The following LUC7L2 variants were observed in gnomAD, a reference collection of about 807,000 sequenced individuals.
LUC7L2 encodes LUC7 like 2, pre-mRNA splicing factor.
In LUC7L2, 25 loss-of-function variants were observed where a neutral mutation model predicts 52.8. The ratio of observed to expected loss-of-function variants is 0.47; its 90% CI spans 0.34 to 0.66. The LOEUF (loss-of-function observed/expected upper bound fraction) is 0.66. LUC7L2 is among the 30% of genes least tolerant of loss of function. LUC7L2 has a pLI of 0.01. For synonymous variants in LUC7L2, 144 were observed against 160.9 expected (o/e 0.89, Z 0.80); for missense variants, 328 against 497.8 (o/e 0.66, Z 3.25).
chr7:139,372,131 T>C (rs1013327694), intron 1 of LUC7L2, among the ~76,000 whole-genome samples: 3 of 152,224 alleles, frequency 2.0e-5, no homozygotes, highest in Admixed American at 2.0e-4. Context: ...GTACAAGGCC[T>C]GAATAACTAT....
At chr7:139,412,175 C>T (rs528558685) in intron 7 of LUC7L2, among the ~76,000 whole-genome samples, 1 of 150,100 alleles carries the variant, frequency 6.7e-6, no homozygotes, top group African/African-American at 2.5e-5. Flanking sequence ...CATTTGCATC[C>T]AGGAGTTCAA....
At chr7:139,372,167 C>T (rs1047664586) in intron 1 of LUC7L2, among the ~76,000 whole-genome samples, 1 of 152,050 alleles carries the variant, frequency 6.6e-6, no homozygotes, top group Non-Finnish European at 1.5e-5. Flanking sequence ...ACAGAGAGAT[C>T]TCCATGTTTT....
chr7:139,356,429 G>T (rs1799609069), upstream of LUC7L2, among the ~76,000 whole-genome samples: 1 of 151,438 alleles, frequency 6.6e-6, no homozygotes, highest in East Asian at 1.9e-4. Flanking sequence ...AAACAAAATG[G>T]GAGCGTTCCC....
intron 8 of LUC7L2, chr7:139,412,824 TTAAAAA>T: frequency 6.4e-6 from 1 of 156,456 alleles, no homozygotes; most frequent in African/African-American, 5.5e-5. Flanking sequence ...GACTCTGTCT[TTAAAAA>T]AAAAAAAAAA....
At chr7:139,413,642 G>T (rs1045949353) in intron 8 of LUC7L2, among the ~76,000 whole-genome samples, 3 of 152,156 alleles carry the variant, frequency 2.0e-5, no homozygotes, top group Non-Finnish European at 4.4e-5. Flanking sequence ...GCCGGGTGTG[G>T]TGGCAGGTGC....
intron 4 of LUC7L2, among the ~76,000 whole-genome samples, chr7:139,403,064 C>T (rs1453156863): frequency 6.6e-6 from 1 of 152,148 alleles, no homozygotes. Flanking sequence ...TTTTTCATTC[C>T]ATATAACTTT....
intron 1 of LUC7L2, among the ~76,000 whole-genome samples, chr7:139,373,911 TG>T (rs1247759761): frequency 6.6e-6 from 1 of 152,226 alleles, no homozygotes; most frequent in Non-Finnish European, 1.5e-5. Context: ...GGGATTTTTT[TG>T]TTTTGTTTTG....
chr7:139,398,503 A>G, intron 2 of LUC7L2, 96 bp from the exon 3 acceptor site: 1 of 926,158 alleles, frequency 1.1e-6, no homozygotes. Flanking sequence ...AAGCATCTGT[A>G]TGACTTAATA....
intron 2 of LUC7L2, among the ~76,000 whole-genome samples, chr7:139,381,479 G>A (rs533736555): frequency 7.5e-4 from 113 of 151,300 alleles, no homozygotes; most frequent in African/African-American, 2.6e-3. Flanking sequence ...GTGCCATCTC[G>A]GCTCACTGCA....
At chr7:139,386,701 C>T (rs548190480) in intron 2 of LUC7L2, among the ~76,000 whole-genome samples, 132 of 152,094 alleles carry the variant, frequency 8.7e-4, no homozygotes, top group African/African-American at 3.1e-3. Flanking sequence ...CCACCACGCC[C>T]GGCCACTGGA....
intron 1 of LUC7L2, chr7:139,375,621 A>C (rs965427532): frequency 1.8e-5 from 18 of 984,492 alleles, no homozygotes; most frequent in Non-Finnish European, 1.9e-5. Flanking sequence ...TATGTTTTTC[A>C]ATTACTGTAA....
At chr7:139,387,395 A>T (rs1363713137) in intron 2 of LUC7L2, among the ~76,000 whole-genome samples, 1 of 151,666 alleles carries the variant, frequency 6.6e-6, no homozygotes, top group Non-Finnish European at 1.5e-5. Context: ...CGATTTTACC[A>T]TGTTGGCCAG....
At chr7:139,355,901 A>G (rs866784618), upstream of LUC7L2, among the ~76,000 whole-genome samples, 2 of 152,248 alleles carry the variant, frequency 1.3e-5, no homozygotes, top group Admixed American at 6.5e-5. Context: ...TCATTGTTCA[A>G]TGAGTCCATA....
intron 1 of LUC7L2, among the ~76,000 whole-genome samples, chr7:139,350,265 GCGCCCGC>G (rs1404857929): frequency 8.5e-5 from 13 of 152,112 alleles, no homozygotes; most frequent in African/African-American, 3.1e-4. Flanking sequence ...GGGACTACAG[GCGCCCGC>G]CACCACGCCC....
chr7:139,359,636 GCAGCCTTAGCCGC>G (rs1799747603), upstream of LUC7L2: 1 of 397,104 alleles, frequency 2.5e-6, no homozygotes. Context: ...CGCGGGCAGC[GCAGCCTTAGCCGC>G]CAGCCCTACA....
chr7:139,411,645 G>A (rs941968304), intron 7 of LUC7L2, among the ~76,000 whole-genome samples: 2 of 152,128 alleles, frequency 1.3e-5, no homozygotes, highest in African/African-American at 4.8e-5. Context: ...AATAATCCCT[G>A]TGGTGTCCTA....
intron 2 of LUC7L2, among the ~76,000 whole-genome samples, chr7:139,395,965 C>CT (rs879336012): frequency 7.2e-5 from 11 of 152,148 alleles, no homozygotes; most frequent in South Asian, 4.2e-4. Context: ...GTGTTTTTTA[C>CT]TTTTTTTAAT....
intron 1 of LUC7L2, among the ~76,000 whole-genome samples, chr7:139,365,670 A>G (rs2131188695): frequency 6.6e-6 from 1 of 152,314 alleles, no homozygotes; most frequent in South Asian, 2.1e-4. Context: ...AATGAGGCAG[A>G]TACTCCCCAA....
At chr7:139,363,036 T>G (rs545232098) in intron 1 of LUC7L2, 3 of 158,540 alleles carry the variant, frequency 1.9e-5, no homozygotes, top group Non-Finnish European at 4.0e-5. Context: ...GTGGTGGAAG[T>G]TGGGGGCTTT....
Sources: allele counts gnomAD v4.1 joint callset (sites outside exome capture counted in the v4.1 genomes callset), GRCh38; gene constraint gnomAD v4.1.1; transcripts MANE v1.5; gene names NCBI Gene and HGNC (gene_info 2026-07-23, HGNC 2026-07-21).